Variants in WDR7 observed in about 807,000 individuals in gnomAD.
WDR7 encodes the protein WD repeat-containing protein 7.
Under a neutral mutation model 169.4 loss-of-function variants are expected in WDR7, and 46 were observed. That is an observed-to-expected ratio of 0.27 (90% CI 0.21 to 0.35). WDR7 has a LOEUF of 0.35. WDR7 is among the 10% of genes least tolerant of loss of function. WDR7 has a pLI of 1.00. For synonymous variants in WDR7, 612 were observed against 666.8 expected (o/e 0.92, Z 1.27); for missense variants, 1,534 against 1,859.3 (o/e 0.83, Z 3.22).
chr18:56,693,697 G>A (rs1369273565), intron 9 of WDR7, among the ~76,000 whole-genome samples: 4 of 147,788 alleles, frequency 2.7e-5, no homozygotes, highest in Admixed American at 6.9e-5. Flanking sequence ...TCAGCCTCCC[G>A]AGTAGCTGGG....
chr18:56,700,885 G>A (rs1471752727), intron 12 of WDR7, among the ~76,000 whole-genome samples: 1 of 152,100 alleles, frequency 6.6e-6, no homozygotes, highest in Non-Finnish European at 1.5e-5. Flanking sequence ...AGTTCATTTA[G>A]GAAAAGATCT....
At chr18:56,766,269 G>C (rs754854848) in intron 16 of WDR7, among the ~76,000 whole-genome samples, 4 of 151,844 alleles carry the variant, frequency 2.6e-5, no homozygotes, top group Non-Finnish European at 5.9e-5. Context: ...TGTTTCTTGT[G>C]GTTGGGGTTC....
chr18:56,742,807 A>AG (rs1472919724), intron 14 of WDR7, among the ~76,000 whole-genome samples: 1 of 152,128 alleles, frequency 6.6e-6, no homozygotes, highest in East Asian at 1.9e-4. Flanking sequence ...TGGGAGAACT[A>AG]GGTGGCCCAA....
chr18:56,907,669 G>A (rs749721949), intron 21 of WDR7, among the ~76,000 whole-genome samples: 13 of 152,046 alleles, frequency 8.6e-5, no homozygotes, highest in Admixed American at 2.0e-4. Flanking sequence ...TGTATTGCTC[G>A]GCAGTTCTGA....
At chr18:56,661,577 G>C (rs144444220) in intron 1 of WDR7, among the ~76,000 whole-genome samples, 3 of 152,070 alleles carry the variant, frequency 2.0e-5, no homozygotes, top group Admixed American at 6.5e-5. Context: ...CTTTGAAACC[G>C]AACACTGGGG....
chr18:56,834,061 G>C (rs2045357956), intron 20 of WDR7, among the ~76,000 whole-genome samples: 1 of 152,142 alleles, frequency 6.6e-6, no homozygotes, highest in South Asian at 2.1e-4. Context: ...GCACAATTCA[G>C]TTCCTTGCAG....
chr18:56,955,400 C>T (rs575012636), intron 25 of WDR7, among the ~76,000 whole-genome samples: 1 of 152,172 alleles, frequency 6.6e-6, no homozygotes, highest in African/African-American at 2.4e-5. Context: ...TGAAATGCTA[C>T]AGAAAAGTGT....
At chr18:56,683,451 C>A (rs894765352) in intron 5 of WDR7, among the ~76,000 whole-genome samples, 2 of 152,032 alleles carry the variant, frequency 1.3e-5, no homozygotes, top group East Asian at 1.9e-4. Flanking sequence ...CTTTTATAAG[C>A]CTTTTAAGGA....
intron 21 of WDR7, among the ~76,000 whole-genome samples, chr18:56,900,110 A>ATATATATATATATATATATAT (rs1568256012): frequency 4.7e-5 from 7 of 147,806 alleles, no homozygotes; most frequent in East Asian, 2.0e-4. Context: ...ATATATATAT[A>ATATATATATATATATATATAT]AAATTGTTAA....
chr18:56,820,359 A>AC (rs1555695954), intron 20 of WDR7, among the ~76,000 whole-genome samples: 2 of 127,464 alleles, frequency 1.6e-5, no homozygotes, highest in African/African-American at 7.1e-5. Flanking sequence ...AAAAAAAAAA[A>AC]AAAAACCACC....
In WDR7 at chr18:56,700,003, T is replaced by C. The variant is rs1036735305; in HGVS notation, c.1578+3541T>C. The C allele has an allele frequency of 1.7e-5, 8 of 479,746 alleles. No homozygotes were observed. The African/African-American group carries it at 1.7e-4, about 10-fold the overall frequency. The allele number at this position is 479,746 out of a possible 1,614,324, so 29.7% of individuals were successfully genotyped here. A position where few individuals can be genotyped will look rare whatever the true frequency, so the allele number is the denominator to read the frequency against. Reference sequence around the variant, plus strand: ...TCTAAAAGTCTTTCCAAATTCCTACTAGAGATTAGCATTAATTTAGTGGCA... The same window carrying C: ...TCTAAAAGTCTTTCCAAATTCCTACCAGAGATTAGCATTAATTTAGTGGCA... On this transcript the variant is annotated intron_variant, in intron 12 of 27. Coordinates refer to ENST00000254442, the MANE Select transcript of WDR7 (RefSeq NM_015285.3).
At chr18:56,951,825 C>A (rs112519648) in intron 25 of WDR7, among the ~76,000 whole-genome samples, 6,384 of 152,064 alleles carry the variant, frequency 0.042, 448 homozygotes, top group African/African-American at 0.14. Flanking sequence ...AATCTTAGGA[C>A]CCCTTTAAAC....
chr18:56,976,474 T>C (rs1382178416), intron 26 of WDR7, among the ~76,000 whole-genome samples: 1 of 152,200 alleles, frequency 6.6e-6, no homozygotes, highest in African/African-American at 2.4e-5. Flanking sequence ...ATAAAAAGGC[T>C]TTAAATTAAT....
chr18:56,656,118 G>A (rs933110514), intron 1 of WDR7, among the ~76,000 whole-genome samples: 1 of 152,052 alleles, frequency 6.6e-6, no homozygotes, highest in African/African-American at 2.4e-5. Flanking sequence ...TAAATGCCCA[G>A]GGACATGGTT....
At chr18:56,878,972 G>C (rs1485884216) in intron 20 of WDR7, among the ~76,000 whole-genome samples, 1 of 152,166 alleles carries the variant, frequency 6.6e-6, no homozygotes, top group African/African-American at 2.4e-5. Flanking sequence ...TTTTGCCACT[G>C]AAAGTAATGG....
At chr18:57,015,171 A>G (rs1211783881) in intron 26 of WDR7, among the ~76,000 whole-genome samples, 1 of 152,238 alleles carries the variant, frequency 6.6e-6, no homozygotes, top group Admixed American at 6.5e-5. Context: ...CTGTCCACAC[A>G]CACAGCAGAA....
At chr18:56,994,016 C>CTTTTTTTTTTTTTTTTTTT (rs35579782) in intron 26 of WDR7, among the ~76,000 whole-genome samples, 3 of 129,204 alleles carry the variant, frequency 2.3e-5, no homozygotes, top group Non-Finnish European at 3.2e-5. Flanking sequence ...CTTTTTTTTT[C>CTTTTTTTTTTTTTTTTTTT]TTTTTTTTTT....
chr18:56,829,113 A>G (rs895467461), intron 20 of WDR7, among the ~76,000 whole-genome samples: 1 of 119,344 alleles, frequency 8.4e-6, no homozygotes, highest in Admixed American at 8.9e-5. Context: ...GTGAAACTTC[A>G]CCTCTCCAAA....
intron 13 of WDR7, among the ~76,000 whole-genome samples, chr18:56,719,754 A>G (rs1442310590): frequency 1.3e-5 from 2 of 152,184 alleles, no homozygotes; most frequent in Non-Finnish European, 2.9e-5. Flanking sequence ...TGAACTAGCT[A>G]GGATGGACTC....
Sources: allele counts gnomAD v4.1 joint callset (sites outside exome capture counted in the v4.1 genomes callset), GRCh38; gene constraint gnomAD v4.1.1; transcripts MANE v1.5; gene names NCBI Gene and HGNC (gene_info 2026-07-23, HGNC 2026-07-21).